Variants in OR4B1 observed in about 807,000 individuals in gnomAD.
OR4B1 encodes olfactory receptor family 4 subfamily B member 1.
For missense variants in OR4B1, 520 were observed against 370.7 expected (o/e 1.40, Z -3.31); for synonymous variants, 196 against 141.2 (o/e 1.39, Z -2.75).
rs960171498 is a variant in OR4B1 at position 48,216,882 on chromosome 11, T to C, written c.73T>C (p.Cys25Arg). ...LFQDPAVQSV[C>R]FVVFLPVYLA... ...CCAGGATCCAGCTGTGCAGAGTGTA[T>C]GCTTTGTGGTGTTTCTCCCCGTGTA... The change falls in exon 1 of 1, where the codon TGC (cysteine) becomes CGC (arginine). Residue 25 changes from cysteine to arginine, a missense_variant. Cys to Arg is a radical substitution (Grantham distance 180). Coordinates refer to ENST00000309562, the MANE Select transcript of OR4B1 (RefSeq NM_001005470.1). 4 of 1,613,866 alleles carry C rather than the reference T, an allele frequency of 2.5e-6. No homozygotes were observed. The highest frequency in any genetic ancestry group is 1.7e-5 in the Admixed American group (1 of 59,958).
In OR4B1 at chr11:48,217,465, T is replaced by A; in HGVS notation, c.656T>A (p.Ile219Asn). The A allele has an allele frequency of 6.2e-7, 1 of 1,614,180 alleles. No individual in the cohort carries two copies. Among genetic ancestry groups the A allele is most frequent in the Non-Finnish European group, 8.5e-7 (1 of 1,180,030 alleles). Residue 219 changes from isoleucine to asparagine, a missense_variant, in exon 1 of 1, where the codon ATT becomes AAT. By Grantham distance (149) the Ile-to-Asn change is moderately radical (BLOSUM62 -3). Coordinates refer to ENST00000309562, the MANE Select transcript of OR4B1 (RefSeq NM_001005470.1). ...ATCTTGGTGTCCTCTTATATTGTCA[T>A]TCTGGTCAACTTGAGGAACCATTCT... is the stretch of plus-strand genomic sequence containing the variant. ...FLILVSSYIVILVNLRNHSAE... is the reference protein window; with the variant it reads ...FLILVSSYIVNLVNLRNHSAE...
chr11:48,217,521 T>C lies in OR4B1; in HGVS notation c.712T>C (p.Cys238Arg), dbSNP rs764643153. 2 of 1,614,196 alleles carry C rather than the reference T, an allele frequency of 1.2e-6. No individual in the cohort carries two copies. The highest frequency in any genetic ancestry group is 1.7e-6 in the Non-Finnish European group (2 of 1,180,018). ...GGGGAGGCACAAAGCCCTCTCCACC[T>C]GTGCTTCTCACATCACAGTGGTCAT... ...AEGRHKALST[C>R]ASHITVVILF... Residue 238 changes from cysteine (C) to arginine (R), a missense_variant, in exon 1 of 1, where the codon TGT becomes CGT. By Grantham distance (180) the Cys-to-Arg change is radical. Coordinates refer to ENST00000309562, the MANE Select transcript of OR4B1 (RefSeq NM_001005470.1).
In OR4B1 at chr11:48,217,074, A is replaced by G. The variant is rs1297138682; in HGVS notation, c.265A>G (p.Thr89Ala). The change falls in exon 1 of 1, where the codon ACC (threonine) becomes GCC (alanine). Residue 89 changes from threonine to alanine, a missense_variant. Coordinates refer to ENST00000309562, the MANE Select transcript of OR4B1 (RefSeq NM_001005470.1). ...CATAGACTTACTTGCCAAGATTAAA[A>G]CCATCTCTCTGGAAGGCTGTCTGAC... ...FIIDLLAKIK[T>A]ISLEGCLTQI... 8 of 1,613,868 alleles carry G rather than the reference A, an allele frequency of 5.0e-6. No individual in the cohort carries two copies. In the African/African-American group the frequency reaches 6.7e-5, roughly 13 times the overall value.
In OR4B1 at chr11:48,217,618, C is replaced by A; in HGVS notation, c.809C>A (p.Ala270Asp). The A allele has an allele frequency of 6.2e-7, 1 of 1,613,286 alleles. No homozygotes were observed. Among genetic ancestry groups the A allele is most frequent in the Non-Finnish European group, 8.5e-7 (1 of 1,180,022 alleles). The change falls in exon 1 of 1, where the codon GCT (alanine) becomes GAT (aspartate). Residue 270 changes from alanine (A) to aspartate (D), a missense_variant. Coordinates refer to ENST00000309562, the MANE Select transcript of OR4B1 (RefSeq NM_001005470.1). ...SSTFTEDKLVAVFYTVITPML... is the reference protein window; with the variant it reads ...SSTFTEDKLVDVFYTVITPML... ...ACTTTCACTGAAGATAAACTTGTGG[C>A]TGTATTCTACACGGTCATCACCCCC...
Position 48,217,446 on chromosome 11 carries a change from G to A in OR4B1, c.637G>A (p.Val213Met), listed in dbSNP as rs61731415. Residue 213 changes from valine to methionine, a missense_variant, in exon 1 of 1, where the codon GTG (valine) becomes ATG (methionine). Val to Met is a conservative substitution (Grantham distance 21, BLOSUM62 1). Coordinates refer to ENST00000309562, the MANE Select transcript of OR4B1 (RefSeq NM_001005470.1). ...LFSVFSFLILVSSYIVILVNL... is the reference protein window; with the variant it reads ...LFSVFSFLILMSSYIVILVNL... ...CTCTGTCTTCTCCTTCCTCATCTTG[G>A]TGTCCTCTTATATTGTCATTCTGGT... 1,205 of 1,613,990 alleles carry A rather than the reference G, an allele frequency of 7.5e-4. 8 individuals are homozygous for A. The African/African-American group carries it at 0.015, about 20-fold the overall frequency.
Position 48,216,931 on chromosome 11 carries a change from G to T in OR4B1, c.122G>T (p.Gly41Val). 1.2e-6 allele frequency: 2 copies of T among 1,614,002 alleles called. No homozygotes were observed. The highest frequency in any genetic ancestry group is 1.1e-5 in the South Asian group (1 of 91,082). The change falls in exon 1 of 1, where the codon GGC (glycine) becomes GTC (valine). Residue 41 changes from glycine (G) to valine (V), a missense_variant. Gly to Val is a moderately radical substitution (Grantham distance 109). Coordinates refer to ENST00000309562, the MANE Select transcript of OR4B1 (RefSeq NM_001005470.1). ...PVYLATVVGN[G>V]LIVLTVSISK... ...TACCTTGCCACGGTGGTGGGCAATG[G>T]CCTCATCGTTCTGACGGTCAGTATC...
chr11:48,217,058 A>T lies in OR4B1; in HGVS notation c.249A>T (p.Leu83Phe), dbSNP rs1350910124. 2 of 1,614,030 alleles carry T rather than the reference A, an allele frequency of 1.2e-6. No individual in the cohort carries two copies. Among genetic ancestry groups the T allele is most frequent in the Non-Finnish European group, 1.7e-6 (2 of 1,179,944 alleles). The change falls in exon 1 of 1, where the codon TTA becomes TTT. Residue 83 changes from leucine to phenylalanine, a missense_variant. By Grantham distance (22) the Leu-to-Phe change is conservative. Coordinates refer to ENST00000309562, the MANE Select transcript of OR4B1 (RefSeq NM_001005470.1). Reference sequence around the variant, plus strand: ...TCGCCCCTAAATTCATCATAGACTTACTTGCCAAGATTAAAACCATCTCTC... The same window carrying T: ...TCGCCCCTAAATTCATCATAGACTTTCTTGCCAAGATTAAAACCATCTCTC... ...STIAPKFIID[L>F]LAKIKTISLE...
In OR4B1 at chr11:48,217,322, G is replaced by T. The variant is rs372059082; in HGVS notation, c.513G>T (p.Val171=). 1 of 1,614,112 alleles carries T rather than the reference G, an allele frequency of 6.2e-7. No individual in the cohort carries two copies. Among genetic ancestry groups the T allele is most frequent in the Non-Finnish European group, 8.5e-7 (1 of 1,180,008 alleles). ...AATTGCCCTTCTGTGGTCCCAATGTGATTGACCACTATTTCTGTGACCTCC... is the reference window on the plus strand; with the variant it reads ...AATTGCCCTTCTGTGGTCCCAATGTTATTGACCACTATTTCTGTGACCTCC... ...IIQLPFCGPN[V]IDHYFCDLQP... The change falls in exon 1 of 1, where the codon GTG becomes GTT. Residue 171 remains valine, a synonymous_variant. Transcript: ENST00000309562.
At position 48,217,362 on chromosome 11, in the gene OR4B1, C is replaced by T; in HGVS notation, c.553C>T (p.Leu185Phe). 2 of 1,614,152 alleles carry T rather than the reference C, an allele frequency of 1.2e-6. No individual in the cohort carries two copies. Among genetic ancestry groups the T allele is most frequent in the Non-Finnish European group, 1.7e-6 (2 of 1,180,026 alleles). ...YFCDLQPLFK[L>F]ACTDTFMEGV... ...CTGTGACCTCCAGCCTTTATTCAAGCTTGCCTGCACTGACACCTTCATGGA... is the reference window on the plus strand; with the variant it reads ...CTGTGACCTCCAGCCTTTATTCAAGTTTGCCTGCACTGACACCTTCATGGA... Residue 185 changes from leucine (L) to phenylalanine (F), a missense_variant, in exon 1 of 1, where the codon CTT (leucine) becomes TTT (phenylalanine). By Grantham distance (22) the Leu-to-Phe change is conservative. Transcript: ENST00000309562.
chr11:48,217,213 G>A lies in OR4B1; in HGVS notation c.404G>A (p.Ser135Asn). 1 of 1,614,136 alleles carries A rather than the reference G, an allele frequency of 6.2e-7. No homozygotes were observed. The highest frequency in any genetic ancestry group is 8.5e-7 in the Non-Finnish European group (1 of 1,180,024). Residue 135 changes from serine to asparagine, a missense_variant, in exon 1 of 1, where the codon AGT (serine) becomes AAT (asparagine). Transcript: ENST00000309562. ...CKPLHYMNII[S>N]RQLCHLLVAG... Reference sequence around the variant, plus strand: ...CCTCTTCATTATATGAACATTATCAGTCGTCAACTGTGTCACCTTCTGGTG... The same window carrying A: ...CCTCTTCATTATATGAACATTATCAATCGTCAACTGTGTCACCTTCTGGTG...
chr11:48,216,837 T>G lies in OR4B1; in HGVS notation c.28T>G (p.Leu10Val). ...GGCCAGTACAAGTAATGTGACTGAG[T>G]TGATTTTCACTGGCCTTTTCCAGGA... MASTSNVTELIFTGLFQDPA... is the reference protein window; with the variant it reads MASTSNVTEVIFTGLFQDPA... The change falls in exon 1 of 1, where the codon TTG becomes GTG. Residue 10 changes from leucine to valine, a missense_variant. Coordinates refer to ENST00000309562, the MANE Select transcript of OR4B1 (RefSeq NM_001005470.1). 1 of 1,613,926 alleles carries G rather than the reference T, an allele frequency of 6.2e-7. No individual in the cohort carries two copies. Among genetic ancestry groups the G allele is most frequent in the South Asian group, 1.1e-5 (1 of 91,062 alleles).
chr11:48,217,147 TTGTGG>T lies in OR4B1; in HGVS notation c.341_345del (p.Val114AspfsTer4). On this transcript the variant is annotated frameshift_variant, in exon 1 of 1. Transcript: ENST00000309562. LOFTEE classifies it low-confidence loss of function (END_TRUNC). ...TTTGGGGTTGCTGAGATCCTTTTGA[TTGTGG>T]TGATGGCCTATGATTGCTACGTGGC... 4.3e-6 allele frequency: 7 copies of T among 1,614,154 alleles called. No homozygotes were observed. Among genetic ancestry groups the T allele is most frequent in the Non-Finnish European group, 5.9e-6 (7 of 1,179,992 alleles).
In OR4B1 at chr11:48,217,675, A is replaced by G. The variant is rs1330949697; in HGVS notation, c.866A>G (p.Asn289Ser). Residue 289 changes from asparagine (N) to serine (S), a missense_variant, in exon 1 of 1, where the codon AAT becomes AGT. Physicochemically the swap from Asn to Ser is conservative, Grantham distance 46. Coordinates refer to ENST00000309562, the MANE Select transcript of OR4B1 (RefSeq NM_001005470.1). ...AACCCCATCATTTACACACTCAGGA[A>G]TGCAGAGGTGAAAATCGCCATAAGA... ...MLNPIIYTLR[N>S]AEVKIAIRRL... 15 of 1,606,136 alleles carry G rather than the reference A, an allele frequency of 9.3e-6. No individual in the cohort carries two copies. Among genetic ancestry groups the G allele is most frequent in the Admixed American group, 8.3e-5 (5 of 59,972 alleles).
Position 48,217,250 on chromosome 11 carries a change from GC to G in OR4B1, c.442del (p.Leu148TrpfsTer8). ...GTCACCTTCTGGTGGCTGGTTCCTG[GC>G]TGGGGGGCTTTTGTCACTCCATAAT... is the stretch of plus-strand genomic sequence containing the variant. Reference protein sequence around the residue: ...LCHLLVAGSWLGGFCHSIIQI... With the variant: ...LCHLLVAGSWXGGFCHSIIQI... On this transcript the variant is annotated frameshift_variant, in exon 1 of 1. Transcript: ENST00000309562. LOFTEE classifies it low-confidence loss of function (END_TRUNC). 2 of 1,614,100 alleles carry G rather than the reference GC, an allele frequency of 1.2e-6. No homozygotes were observed. The highest frequency in any genetic ancestry group is 1.7e-6 in the Non-Finnish European group (2 of 1,180,024).
Position 48,217,585 on chromosome 11 carries a change from C to A in OR4B1, c.776C>A (p.Pro259His), listed in dbSNP as rs764044039. Residue 259 changes from proline (P) to histidine (H), a missense_variant, in exon 1 of 1, where the codon CCT (proline) becomes CAT (histidine). By Grantham distance (77) the Pro-to-His change is moderately conservative. Transcript: ENST00000309562. ...FGPAIFLYMR[P>H]SSTFTEDKLV... ...CCTGCTATCTTCCTCTACATGCGAC[C>A]TTCTTCCACTTTCACTGAAGATAAA... 1 of 1,614,074 alleles carries A rather than the reference C, an allele frequency of 6.2e-7. No homozygotes were observed. Among genetic ancestry groups the A allele is most frequent in the Non-Finnish European group, 8.5e-7 (1 of 1,180,026 alleles).
At position 48,216,864 on chromosome 11, in the gene OR4B1, C is replaced by T. The variant is rs750906583; in HGVS notation, c.55C>T (p.Pro19Ser). 2 of 1,613,904 alleles carry T rather than the reference C, an allele frequency of 1.2e-6. No homozygotes were observed. The highest frequency in any genetic ancestry group is 2.2e-5 in the East Asian group (1 of 44,890). Reference sequence around the variant, plus strand: ...GATTTTCACTGGCCTTTTCCAGGATCCAGCTGTGCAGAGTGTATGCTTTGT... The same window carrying T: ...GATTTTCACTGGCCTTTTCCAGGATTCAGCTGTGCAGAGTGTATGCTTTGT... Reference protein sequence around the residue: ...ELIFTGLFQDPAVQSVCFVVF... With the variant: ...ELIFTGLFQDSAVQSVCFVVF... Residue 19 changes from proline to serine, a missense_variant, in exon 1 of 1, where the codon CCA becomes TCA. Pro to Ser is a moderately conservative substitution (Grantham distance 74). Transcript: ENST00000309562.
In OR4B1 at chr11:48,217,332, T is replaced by G; in HGVS notation, c.523T>G (p.Tyr175Asp). 2 of 1,614,224 alleles carry G rather than the reference T, an allele frequency of 1.2e-6. No individual in the cohort carries two copies. The highest frequency in any genetic ancestry group is 1.7e-6 in the Non-Finnish European group (2 of 1,180,042). ...CTGTGGTCCCAATGTGATTGACCAC[T>G]ATTTCTGTGACCTCCAGCCTTTATT... ...PFCGPNVIDH[Y>D]FCDLQPLFKL... is the part of the protein sequence containing the mutation. Residue 175 changes from tyrosine to aspartate, a missense_variant, in exon 1 of 1, where the codon TAT becomes GAT. Physicochemically the swap from Tyr to Asp is radical, Grantham distance 160. Coordinates refer to ENST00000309562, the MANE Select transcript of OR4B1 (RefSeq NM_001005470.1).
rs192226278 is a variant in OR4B1, at chr11:48,216,940, T to C, written c.131T>C (p.Val44Ala). Residue 44 changes from valine to alanine, a missense_variant, in exon 1 of 1, where the codon GTT becomes GCT. By Grantham distance (64) the Val-to-Ala change is moderately conservative. Coordinates refer to ENST00000309562, the MANE Select transcript of OR4B1 (RefSeq NM_001005470.1). Reference sequence around the variant, plus strand: ...ACGGTGGTGGGCAATGGCCTCATCGTTCTGACGGTCAGTATCAGCAAGAGT... The same window carrying C: ...ACGGTGGTGGGCAATGGCCTCATCGCTCTGACGGTCAGTATCAGCAAGAGT... ...LATVVGNGLI[V>A]LTVSISKSLD... The C allele has an allele frequency of 1.9e-6, 3 of 1,614,122 alleles. No individual in the cohort carries two copies. The Admixed American group carries it at 5.0e-5, about 27-fold the overall frequency.
Position 48,217,342 on chromosome 11 carries a change from AC to A in OR4B1, c.535del (p.Leu179SerfsTer45). The A allele has an allele frequency of 1.2e-6, 2 of 1,613,666 alleles. No homozygotes were observed. Among genetic ancestry groups the A allele is most frequent in the South Asian group, 2.2e-5 (2 of 91,038 alleles). On this transcript the variant is annotated frameshift_variant, in exon 1 of 1. Transcript: ENST00000309562. LOFTEE classifies it low-confidence loss of function (END_TRUNC). The stretch of plus-strand genomic sequence containing the variant: ...AATGTGATTGACCACTATTTCTGTG[AC>A]CTCCAGCCTTTATTCAAGCTTGCCT... ...GPNVIDHYFC[D>X]LQPLFKLACT...
Sources: allele counts gnomAD v4.1 joint callset, GRCh38; gene constraint gnomAD v4.1.1; transcripts MANE v1.5; gene names NCBI Gene and HGNC (gene_info 2026-07-23, HGNC 2026-07-21).